SH3PXD2A: variants seen among roughly 807,000 people sequenced by gnomAD.
The protein encoded by SH3PXD2A is SH3 and PX domain-containing protein 2A.
A neutral mutation model predicts 115.2 loss-of-function variants in SH3PXD2A; 32 were observed. The ratio of observed to expected loss-of-function variants is 0.28; its 90% CI spans 0.21 to 0.37. SH3PXD2A has a LOEUF of 0.37. Among genes scored for constraint, SH3PXD2A ranks in the 10% least tolerant of loss-of-function variants. SH3PXD2A has a pLI of 1.00. For missense variants in SH3PXD2A, 1,328 were observed against 1,498.7 expected, an observed-to-expected ratio of 0.89 and a Z score of 1.88; for synonymous variants, 610 against 629.1, an observed-to-expected ratio of 0.97 and a Z score of 0.45.
intron 3 of SH3PXD2A, among the ~76,000 whole-genome samples, chr10:103,757,590 T>A (rs2038656318): frequency 6.6e-6 from 1 of 152,116 alleles, no homozygotes; most frequent in Non-Finnish European, 1.5e-5. Context: ...AATGTGGGGA[T>A]GTCGCGGGGG....
At chr10:103,751,452 A>G (rs987490702) in intron 3 of SH3PXD2A, among the ~76,000 whole-genome samples, 5 of 152,232 alleles carry the variant, frequency 3.3e-5, no homozygotes, top group Admixed American at 3.3e-4. Flanking sequence ...TATTCTTCCC[A>G]TTTAACAAGG....
chr10:103,758,386 C>A (rs1299636590), intron 3 of SH3PXD2A, among the ~76,000 whole-genome samples: 1 of 152,234 alleles, frequency 6.6e-6, no homozygotes, highest in Admixed American at 6.5e-5. Context: ...CATCTAATTT[C>A]AGATGCCTTG....
intron 5 of SH3PXD2A, among the ~76,000 whole-genome samples, chr10:103,696,286 T>A (rs1258605083): frequency 2.6e-5 from 4 of 152,192 alleles, no homozygotes; most frequent in African/African-American, 9.7e-5. Flanking sequence ...CAAAGCCATT[T>A]CATATTTTTA....
At chr10:103,698,208 A>G (rs1440033954) in intron 5 of SH3PXD2A, among the ~76,000 whole-genome samples, 2 of 152,166 alleles carry the variant, frequency 1.3e-5, no homozygotes, top group African/African-American at 2.4e-5. Context: ...GGCACGGGAG[A>G]GAGAGGAAAG....
At chr10:103,718,789 A>ACG (rs1554915145) in intron 5 of SH3PXD2A, among the ~76,000 whole-genome samples, 2 of 150,366 alleles carry the variant, frequency 1.3e-5, no homozygotes, top group East Asian at 3.9e-4. Flanking sequence ...ACACACACAC[A>ACG]CACACACACG....
chr10:103,799,515 A>G (rs1008463), intron 2 of SH3PXD2A, among the ~76,000 whole-genome samples: 130,979 of 152,302 alleles, frequency 0.86, 56,683 homozygotes, highest in East Asian at 1. Flanking sequence ...CTGCTTGCGT[A>G]TCCCCTTTCC....
At chr10:103,615,483 G>GGAGTGT (rs1237824774) in intron 11 of SH3PXD2A, among the ~76,000 whole-genome samples, 1 of 128,522 alleles carries the variant, frequency 7.8e-6, no homozygotes, top group East Asian at 2.3e-4. Context: ...AGAGTGCGAG[G>GGAGTGT]GTGTGTGTGT....
intron 1 of SH3PXD2A, among the ~76,000 whole-genome samples, chr10:103,827,133 G>A (rs948144069): frequency 2.0e-5 from 3 of 152,180 alleles, no homozygotes; most frequent in Admixed American, 1.3e-4. Context: ...GGGTGGATGA[G>A]GGGTGGGAGG....
chr10:103,678,492 C>G (rs1164314229), intron 6 of SH3PXD2A, among the ~76,000 whole-genome samples: 1 of 152,218 alleles, frequency 6.6e-6, no homozygotes, highest in African/African-American at 2.4e-5. Context: ...CTGTCTAATG[C>G]TAAGCTTCCA....
intron 6 of SH3PXD2A, among the ~76,000 whole-genome samples, chr10:103,691,596 T>C (rs148627125): frequency 3.9e-5 from 6 of 152,078 alleles, no homozygotes; most frequent in Non-Finnish European, 8.8e-5. Context: ...GAAATGGCCT[T>C]CTGCACCAGT....
rs897483916 is a variant in SH3PXD2A, at chr10:103,665,632, C to A, written c.472+2976G>T. 1.3e-5 allele frequency among the ~76,000 whole-genome samples: 2 copies of A among 152,168 alleles called. No homozygotes were observed. Among genetic ancestry groups the A allele is most frequent in the Admixed American group, 6.5e-5 (1 of 15,286 alleles). On this transcript the variant is annotated intron_variant, in intron 7 of 14. Transcript: ENST00000369774. The surrounding 1 kb of genome is among the most constrained non-coding windows in gnomAD (Gnocchi z 4.0). ...TTAGGGTGTTCCCTGGCCAGGGCAG[C>A]CGGGCGGGCGGGAGCTGCGAGCAGG...
At chr10:103,800,984 C>T (rs2039140995) in intron 2 of SH3PXD2A, among the ~76,000 whole-genome samples, 1 of 152,206 alleles carries the variant, frequency 6.6e-6, no homozygotes, top group South Asian at 2.1e-4. Flanking sequence ...CACACAGCAC[C>T]TCCCACCATC....
At chr10:103,698,295 G>C (rs1289781896) in intron 5 of SH3PXD2A, among the ~76,000 whole-genome samples, 17 of 152,208 alleles carry the variant, frequency 1.1e-4, no homozygotes, top group Admixed American at 1.1e-3. Context: ...GAATGCTGCA[G>C]GGTTGTACCC....
chr10:103,693,085 T>C (rs750183757), intron 5 of SH3PXD2A, 29 bp from the exon 6 acceptor site: 2 of 1,610,188 alleles, frequency 1.2e-6, no homozygotes, highest in Admixed American at 1.7e-5. Context: ...CAGATAGACA[T>C]GGTTAGGGCC....
chr10:103,703,058 T>C (rs1469295396), intron 5 of SH3PXD2A, among the ~76,000 whole-genome samples: 2 of 152,192 alleles, frequency 1.3e-5, no homozygotes, highest in Admixed American at 1.3e-4. Context: ...AGTTTCGACC[T>C]GAGACTGGGA....
intron 6 of SH3PXD2A, among the ~76,000 whole-genome samples, chr10:103,680,376 G>A (rs1428677471): frequency 6.6e-6 from 1 of 152,014 alleles, no homozygotes; most frequent in African/African-American, 2.4e-5. Flanking sequence ...TTAACCTCCT[G>A]GGCTCAACAA....
chr10:103,648,459 G>A (rs949186231), intron 8 of SH3PXD2A, among the ~76,000 whole-genome samples: 3 of 152,106 alleles, frequency 2.0e-5, no homozygotes, highest in African/African-American at 4.8e-5. Flanking sequence ...TTGTGATTAC[G>A]GGCCCTTTGC....
chr10:103,801,981 G>A (rs915875329), intron 1 of SH3PXD2A, among the ~76,000 whole-genome samples: 2 of 152,210 alleles, frequency 1.3e-5, no homozygotes, highest in Non-Finnish European at 2.9e-5. Flanking sequence ...TGGGATTACA[G>A]GCATGAGCCA....
At chr10:103,803,948 C>G (rs986977689) in intron 1 of SH3PXD2A, among the ~76,000 whole-genome samples, 1 of 152,096 alleles carries the variant, frequency 6.6e-6, no homozygotes, top group Admixed American at 6.6e-5. Context: ...AAGTCGGGGA[C>G]GAGGGGCTTC....
Sources: gnomAD v4.1 joint callset for allele counts (sites outside exome capture counted in the v4.1 genomes callset) on GRCh38, gnomAD v4.1.1 for gene constraint, Gnocchi (gnomAD v3.1) non-coding constraint, MANE v1.5 for transcripts, NCBI Gene and HGNC (gene_info 2026-07-23, HGNC 2026-07-21) for gene names.